NCOA7: variants seen among roughly 807,000 people sequenced by gnomAD.
NCOA7 encodes the protein nuclear receptor coactivator 7, also known as 140 kDa estrogen receptor-associated protein.
In NCOA7, 45 loss-of-function variants were observed where a neutral mutation model predicts 104.3. The ratio of observed to expected loss-of-function variants is 0.43; its 90% CI spans 0.34 to 0.55. The LOEUF (loss-of-function observed/expected upper bound fraction) is 0.55, where lower values mean the gene tolerates loss of function less well. NCOA7 is among the 20% of genes least tolerant of loss of function. The pLI is 0.02. For synonymous variants in NCOA7, 398 were observed against 402.3 expected (o/e 0.99, Z 0.13); for missense variants, 1,041 against 1,119.7 (o/e 0.93, Z 1.00).
chr6:125,897,421 A>G (rs1278889743), intron 10 of NCOA7, among the ~76,000 whole-genome samples: 1 of 152,256 alleles, frequency 6.6e-6, no homozygotes, highest in Admixed American at 6.5e-5. Flanking sequence ...AGCTCTGTGT[A>G]GAGCAGAGCC....
intron 10 of NCOA7, among the ~76,000 whole-genome samples, chr6:125,891,171 G>A (rs1342748680): frequency 6.6e-6 from 1 of 152,210 alleles, no homozygotes; most frequent in Admixed American, 6.5e-5. Context: ...GTGCAAGAAA[G>A]AGGCAGGATT....
intron 3 of NCOA7, chr6:125,855,658 AAAACAAAAAC>A (rs1300829868): frequency 6.5e-6 from 1 of 153,338 alleles, no homozygotes; most frequent in African/African-American, 2.4e-5. Context: ...TAAAAAAACA[AAAACAAAAAC>A]AAACAAAAAA....
chr6:125,924,333 A>G (rs1478978217), intron 13 of NCOA7, among the ~76,000 whole-genome samples: 1 of 152,230 alleles, frequency 6.6e-6, no homozygotes, highest in African/African-American at 2.4e-5. Flanking sequence ...GAGGCCTACA[A>G]CTGAAGGTTG....
chr6:125,882,103 C>A (rs566969225), intron 6 of NCOA7, among the ~76,000 whole-genome samples: 1 of 152,270 alleles, frequency 6.6e-6, no homozygotes, highest in Admixed American at 6.5e-5. Context: ...ATCTGCCCAC[C>A]CCGGCCTCCC....
chr6:125,822,224 A>G (rs1778256365), intron 2 of NCOA7, among the ~76,000 whole-genome samples: 1 of 152,244 alleles, frequency 6.6e-6, no homozygotes, highest in Non-Finnish European at 1.5e-5. Flanking sequence ...ATACTCAGTC[A>G]TAGCACAGTT....
chr6:125,883,907 C>T (rs1183043578), intron 7 of NCOA7, among the ~76,000 whole-genome samples: 8 of 151,894 alleles, frequency 5.3e-5, no homozygotes, highest in East Asian at 3.9e-4. Flanking sequence ...TTAGTAGAGA[C>T]GGGGTTTCAC....
intron 10 of NCOA7, among the ~76,000 whole-genome samples, chr6:125,907,141 C>T (rs781495593): frequency 6.6e-6 from 1 of 152,186 alleles, no homozygotes; most frequent in East Asian, 1.9e-4. Flanking sequence ...GCATGAGGGC[C>T]CTGTCTACGT....
At chr6:125,801,408 C>T (rs1468562137) in intron 1 of NCOA7, among the ~76,000 whole-genome samples, 2 of 152,072 alleles carry the variant, frequency 1.3e-5, no homozygotes, top group Non-Finnish European at 2.9e-5. Context: ...GAGAACGTGG[C>T]AGAATGGACA....
At chr6:125,800,175 A>C (rs1220940051) in intron 1 of NCOA7, among the ~76,000 whole-genome samples, 3 of 152,226 alleles carry the variant, frequency 2.0e-5, no homozygotes, top group Non-Finnish European at 4.4e-5. Context: ...AATTTTGTGA[A>C]TCTGTCAGAG....
intron 3 of NCOA7, among the ~76,000 whole-genome samples, chr6:125,874,192 G>T (rs1217043144): frequency 2.0e-5 from 3 of 152,168 alleles, no homozygotes; most frequent in East Asian, 3.9e-4. Flanking sequence ...GGACATGGTG[G>T]CGCACACCTG....
chr6:125,835,080 C>A (rs59450366), intron 2 of NCOA7, among the ~76,000 whole-genome samples: 2 of 152,192 alleles, frequency 1.3e-5, no homozygotes, highest in Non-Finnish European at 1.5e-5. Flanking sequence ...GATAAAAGTT[C>A]TTTTCTTTTC....
intron 1 of NCOA7, among the ~76,000 whole-genome samples, chr6:125,801,722 G>A (rs1260211349): frequency 6.6e-6 from 1 of 152,126 alleles, no homozygotes; most frequent in African/African-American, 2.4e-5. Context: ...AGTGTGGCCT[G>A]TGTCTACATG....
intron 1 of NCOA7, among the ~76,000 whole-genome samples, chr6:125,806,755 A>G (rs550798254): frequency 6.6e-6 from 1 of 152,306 alleles, no homozygotes; most frequent in Admixed American, 6.5e-5. Context: ...ATATGAATCT[A>G]TATTATGTCT....
At chr6:125,821,352 G>C (rs935416065) in intron 2 of NCOA7, among the ~76,000 whole-genome samples, 2 of 152,072 alleles carry the variant, frequency 1.3e-5, no homozygotes, top group African/African-American at 2.4e-5. Flanking sequence ...TAAGATAGGC[G>C]TGTCAGGATT....
intron 2 of NCOA7, among the ~76,000 whole-genome samples, chr6:125,848,183 T>A (rs1469330348): frequency 1.3e-5 from 2 of 152,136 alleles, no homozygotes; most frequent in Admixed American, 6.6e-5. Context: ...GAAATAGGAA[T>A]GCTTTTACAC....
chr6:125,887,790 A>G (rs1445125757), intron 8 of NCOA7, among the ~76,000 whole-genome samples: 1 of 152,226 alleles, frequency 6.6e-6, no homozygotes, highest in African/African-American at 2.4e-5. Context: ...GTTATTCTTT[A>G]AAAGGTTTTT....
intron 1 of NCOA7, among the ~76,000 whole-genome samples, chr6:125,791,333 C>T (rs1344219012): frequency 6.6e-6 from 1 of 152,208 alleles, no homozygotes; most frequent in Non-Finnish European, 1.5e-5. Flanking sequence ...CGCGCCAGTA[C>T]GAGAGTGGGG....
intron 1 of NCOA7, among the ~76,000 whole-genome samples, chr6:125,802,786 A>G (rs1302262259): frequency 2.0e-5 from 3 of 152,232 alleles, no homozygotes; most frequent in Admixed American, 1.3e-4. Flanking sequence ...AAGAAAAAGA[A>G]CGTATACCAT....
chr6:125,890,196 C>G (rs1471023195), intron 9 of NCOA7, among the ~76,000 whole-genome samples: 2 of 152,200 alleles, frequency 1.3e-5, no homozygotes, highest in Non-Finnish European at 2.9e-5. Flanking sequence ...TAGATACCTA[C>G]TTCAAAAGTC....
Sources: allele counts gnomAD v4.1 joint callset (sites outside exome capture counted in the v4.1 genomes callset), GRCh38; gene constraint gnomAD v4.1.1; transcripts MANE v1.5; gene names NCBI Gene and HGNC (gene_info 2026-07-23, HGNC 2026-07-21).